The following SV2B variants were observed in gnomAD, a reference collection of about 807,000 sequenced individuals.
SV2B encodes the protein solute carrier family 22 member B2.
A neutral mutation model predicts 73.9 loss-of-function variants in SV2B; 41 were observed. That is an observed-to-expected ratio of 0.56 (90% CI 0.43 to 0.72). The LOEUF (loss-of-function observed/expected upper bound fraction) is 0.72. Among genes scored for constraint, SV2B ranks in the 30% least tolerant of loss-of-function variants. The pLI, the probability that SV2B is intolerant of heterozygous loss-of-function variation, is 0.00. For synonymous variants in SV2B, 314 were observed against 314.2 expected, an observed-to-expected ratio of 1.00 and a Z score of 0.01; for missense variants, 764 against 857.8, an observed-to-expected ratio of 0.89 and a Z score of 1.37.
intron 11 of SV2B, among the ~76,000 whole-genome samples, chr15:91,285,751 G>T (rs2048839125): frequency 6.6e-6 from 1 of 152,144 alleles, no homozygotes; most frequent in Non-Finnish European, 1.5e-5. Flanking sequence ...GGAGTCTCTG[G>T]TCTGTTCATG....
At position 91,197,416 on chromosome 15, in the gene SV2B, G is replaced by A. The variant is rs189495275; in HGVS notation, c.-391-28457G>A. Among the ~76,000 whole-genome samples the A allele has an allele frequency of 6.6e-6, 1 of 151,584 alleles. No homozygotes were observed. ...TTTTTATATTTTTTGTAGAGATGGG[G>A]TTTCTCCATGTTGGTCAGGCTGGTC... On this transcript the variant is annotated intron_variant, in intron 1 of 12. Transcript: ENST00000394232. This position sits in a 1 kb window ranked among gnomAD's most constrained non-coding sequence, Gnocchi z 4.9.
chr15:91,181,979 TA>T (rs1182485297), intron 1 of SV2B, among the ~76,000 whole-genome samples: 1 of 152,186 alleles, frequency 6.6e-6, no homozygotes, highest in Non-Finnish European at 1.5e-5. Context: ...TAGGCATTTT[TA>T]AAAGCCTAAG....
At position 91,232,557 on chromosome 15, in the gene SV2B, T is replaced by C. The variant is rs1248341754; in HGVS notation, c.451+5843T>C. Among the ~76,000 whole-genome samples, 1 of 152,166 alleles carries C rather than the reference T, an allele frequency of 6.6e-6. No homozygotes were observed. Among genetic ancestry groups the C allele is most frequent in the African/African-American group, 2.4e-5 (1 of 41,440 alleles). ...CACTCTGCCCCAGTGATTTTGGTAC[T>C]GAGAGTGCTTCTAGAGGAGCGGAAT... On this transcript the variant is annotated intron_variant, in intron 2 of 12. Transcript: ENST00000394232. The surrounding 1 kb of genome is among the most constrained non-coding windows in gnomAD (Gnocchi z 4.7).
At position 91,232,196 on chromosome 15, in the gene SV2B, A is replaced by G. The variant is rs149180722; in HGVS notation, c.451+5482A>G. Among the ~76,000 whole-genome samples, 268 of 152,240 alleles carry G rather than the reference A, an allele frequency of 1.8e-3. 3 individuals are homozygous for G. Among genetic ancestry groups the G allele is most frequent in the African/African-American group, 6.0e-3 (251 of 41,520 alleles). On this transcript the variant is annotated intron_variant, in intron 2 of 12. Transcript: ENST00000394232. The surrounding 1 kb of genome is among the most constrained non-coding windows in gnomAD (Gnocchi z 4.7). ...CAAAATATGTCCTCAGTGACCAAGT[A>G]TTTACCTACTTACTCATGATGGTGA...
At position 91,105,302 on chromosome 15, in the gene SV2B, T is replaced by G. The variant is rs952958011; in HGVS notation, c.-392+4939T>G. ...AGTGGGAGGGTAGGGTAAAACGAAG[T>G]GTGGGTATTTTATGCAAGGTGGTCA... On this transcript the variant is annotated intron_variant, in intron 1 of 12. Transcript: ENST00000394232. The surrounding 1 kb of genome is among the most constrained non-coding windows in gnomAD (Gnocchi z 5.5). Among the ~76,000 whole-genome samples, 11 of 151,808 alleles carry G rather than the reference T, an allele frequency of 7.2e-5. No homozygotes were observed. Among genetic ancestry groups the G allele is most frequent in the African/African-American group, 2.4e-4 (10 of 41,282 alleles).
intron 9 of SV2B, among the ~76,000 whole-genome samples, chr15:91,272,978 G>A (rs150819415): frequency 0.034 from 5,104 of 151,740 alleles, 293 homozygotes; most frequent in African/African-American, 0.12. Flanking sequence ...GATTACAGGC[G>A]CGTGCCACCA....
Position 91,133,331 on chromosome 15 carries a change from G to A in SV2B, c.-392+32968G>A, listed in dbSNP as rs137908643. ...AACAAACAAAGAACAAAATTGAACC[G>A]CCATCCTCCTGTTTCACTACTCTGA... On this transcript the variant is annotated intron_variant, in intron 1 of 12. Coordinates refer to ENST00000394232, the MANE Select transcript of SV2B (RefSeq NM_001323032.3). Among the ~76,000 whole-genome samples, 59 of 151,834 alleles carry A rather than the reference G, an allele frequency of 3.9e-4. 1 individual carries two copies. In the East Asian group the frequency reaches 4.6e-3, roughly 12 times the overall value.
intron 1 of SV2B, among the ~76,000 whole-genome samples, chr15:91,195,444 G>A (rs2045210534): frequency 6.6e-6 from 1 of 152,212 alleles, no homozygotes; most frequent in African/African-American, 2.4e-5. Flanking sequence ...ACAGTTGTGA[G>A]CCACTGTGCC....
In SV2B at chr15:91,268,718, A is replaced by G. The variant is rs1596743501; in HGVS notation, c.1373+113A>G. ...CAAATATGGCCGGGAATGAGCGCCA[A>G]GGCTGGTGTCATCATCACAACCTGT... On this transcript the variant is annotated intron_variant, in intron 9 of 12. Transcript: ENST00000394232. The surrounding 1 kb of genome is among the most constrained non-coding windows in gnomAD (Gnocchi z 4.4). 3 of 1,371,532 alleles carry G rather than the reference A, an allele frequency of 2.2e-6. No individual in the cohort carries two copies. In the South Asian group the frequency reaches 4.4e-5, roughly 20 times the overall value. The allele number at this position is 1,371,532 out of a possible 1,614,324, so 85.0% of individuals were successfully genotyped here.
Position 91,241,537 on chromosome 15 carries a change from C to G in SV2B, c.452-10282C>G, listed in dbSNP as rs146117126. Among the ~76,000 whole-genome samples, 267 of 152,262 alleles carry G rather than the reference C, an allele frequency of 1.8e-3. 1 individual carries two copies. The highest frequency in any genetic ancestry group is 5.8e-3 in the African/African-American group (243 of 41,544). The stretch of plus-strand genomic sequence containing the variant: ...TGTCTTATCCACTATTTTCCAATTT[C>G]CAGCATCTCTTCCTCATCTTCACTC... On this transcript the variant is annotated intron_variant, in intron 2 of 12. Transcript: ENST00000394232. This position sits in a 1 kb window ranked among gnomAD's most constrained non-coding sequence, Gnocchi z 4.8.
At chr15:91,279,658 A>G (rs565744381) in intron 9 of SV2B, among the ~76,000 whole-genome samples, 1 of 152,350 alleles carries the variant, frequency 6.6e-6, no homozygotes, top group South Asian at 2.1e-4. Context: ...AGACCCATTT[A>G]TGATTTATGG....
intron 1 of SV2B, among the ~76,000 whole-genome samples, chr15:91,101,488 A>T (rs979447430): frequency 6.6e-5 from 10 of 152,264 alleles, no homozygotes; most frequent in Admixed American, 1.3e-4. Flanking sequence ...GATGATGATA[A>T]CAATGTCCTG....
rs772988873 is a variant in SV2B at position 91,197,665 on chromosome 15, C to A, written c.-391-28208C>A. ...AGCAGTTCAGCTACATTAATTACAA[C>A]TCCATACATGTTACAGCAAAATCTC... is the stretch of plus-strand genomic sequence containing the variant. On this transcript the variant is annotated intron_variant, in intron 1 of 12. Transcript: ENST00000394232. The surrounding 1 kb of genome is among the most constrained non-coding windows in gnomAD (Gnocchi z 4.9). 6.6e-6 allele frequency among the ~76,000 whole-genome samples: 1 copy of A among 152,150 alleles called. No homozygotes were observed. The highest frequency in any genetic ancestry group is 2.4e-5 in the African/African-American group (1 of 41,444).
At chr15:91,190,902 A>G (rs1050225519) in intron 1 of SV2B, among the ~76,000 whole-genome samples, 2 of 151,864 alleles carry the variant, frequency 1.3e-5, no homozygotes, top group East Asian at 1.9e-4. Context: ...GTATTTGGAT[A>G]TTATATTATT....
chr15:91,122,344 A>G lies in SV2B; in HGVS notation c.-392+21981A>G, dbSNP rs2042364226. Among the ~76,000 whole-genome samples, 1 of 152,194 alleles carries G rather than the reference A, an allele frequency of 6.6e-6. No homozygotes were observed. Among genetic ancestry groups the G allele is most frequent in the Non-Finnish European group, 1.5e-5 (1 of 68,026 alleles). On this transcript the variant is annotated intron_variant, in intron 1 of 12. Transcript: ENST00000394232. The surrounding 1 kb of genome is among the most constrained non-coding windows in gnomAD (Gnocchi z 4.3). ...ATTAAGTCATGCTGTACACAAATGG[A>G]GTCTCCAGACATCCTCCCTGGGGAA...
At chr15:91,274,728 A>G (rs1178490364) in intron 9 of SV2B, among the ~76,000 whole-genome samples, 2 of 152,184 alleles carry the variant, frequency 1.3e-5, no homozygotes, top group Non-Finnish European at 2.9e-5. Context: ...AATATTGATC[A>G]TTTATATATA....
chr15:91,143,412 C>T (rs760083861), intron 1 of SV2B, among the ~76,000 whole-genome samples: 114 of 152,302 alleles, frequency 7.5e-4, no homozygotes, highest in Non-Finnish European at 1.4e-3. Flanking sequence ...CCCGAGAATA[C>T]CTGCTGGTGG....
At chr15:91,208,695 A>G (rs2045734441) in intron 1 of SV2B, among the ~76,000 whole-genome samples, 1 of 152,156 alleles carries the variant, frequency 6.6e-6, no homozygotes, top group Admixed American at 6.5e-5. Flanking sequence ...CTCCTTGTAT[A>G]TGACAACCCT....
In SV2B at chr15:91,246,065, C is replaced by CAA. The variant is rs5814471; in HGVS notation, c.452-5737_452-5736dup. ...TGGGAACTGAAGAAATATGAGTTAG[C>CAA]AAAAAAAAAAAAAAAAAATCCCCCC... On this transcript the variant is annotated intron_variant, in intron 2 of 12. Transcript: ENST00000394232. 1.2e-3 allele frequency among the ~76,000 whole-genome samples: 147 copies of CAA among 127,694 alleles called. 1 individual carries two copies. Among genetic ancestry groups the CAA allele is most frequent in the Middle Eastern group, 4.1e-3 (1 of 244 alleles). 83.8% of individuals were successfully genotyped at this position (127,694 alleles called of 152,430 possible). A position where few individuals can be genotyped will look rare whatever the true frequency, so the allele number is the denominator to read the frequency against.
Sources: allele counts gnomAD v4.1 joint callset (sites outside exome capture counted in the v4.1 genomes callset), GRCh38; gene constraint gnomAD v4.1.1; non-coding constraint Gnocchi (gnomAD v3.1); transcripts MANE v1.5; gene names NCBI Gene and HGNC (gene_info 2026-07-23, HGNC 2026-07-21).